RPS6KA2: variants seen among roughly 807,000 people sequenced by gnomAD.
The protein encoded by RPS6KA2 is ribosomal protein S6 kinase A2.
RPS6KA2 carries 42 observed loss-of-function variants against 91.8 expected under a neutral mutation model. The observed-to-expected ratio is 0.46, with a 90% confidence interval of 0.36 to 0.59. The LOEUF (loss-of-function observed/expected upper bound fraction) is 0.59, where lower values mean the gene tolerates loss of function less well. RPS6KA2 is among the 20% of genes least tolerant of loss of function. The pLI is 0.00. For missense variants in RPS6KA2, 798 were observed against 978.5 expected (o/e 0.82, Z 2.46); for synonymous variants, 414 against 393.6 (o/e 1.05, Z -0.61).
At chr6:166,631,304 G>T (rs565067775), upstream of RPS6KA2, among the ~76,000 whole-genome samples, 120 of 152,336 alleles carry the variant, frequency 7.9e-4, 1 homozygote, top group South Asian at 0.014. Context: ...AAACCCACAG[G>T]CCAGTTGTAC....
chr6:166,572,442 C>T lies in RPS6KA2; in HGVS notation c.100-33658G>A, dbSNP rs140752141. On this transcript the variant is annotated intron_variant, in intron 1 of 20. Transcript: ENST00000265678. ...CTGGTGGCCTCTCAGGCTGGCTAAG[C>T]CAAGGGATGTTTACTTTTGTCAATT... is the stretch of plus-strand genomic sequence containing the variant. Among the ~76,000 whole-genome samples, 319 of 152,338 alleles carry T rather than the reference C, an allele frequency of 2.1e-3. 2 individuals carry two copies. Among genetic ancestry groups the T allele is most frequent in the African/African-American group, 7.5e-3 (310 of 41,582 alleles).
rs10637819 is a variant in RPS6KA2 at position 166,723,699 on chromosome 6, C to CTTTTTT, written c.123+134500_123+134501insAAAAAA. Among the ~76,000 whole-genome samples the CTTTTTT allele has an allele frequency of 8.9e-5, 13 of 146,304 alleles. 2 individuals are homozygous for CTTTTTT. Among genetic ancestry groups the CTTTTTT allele is most frequent in the African/African-American group, 3.0e-4 (11 of 37,244 alleles). ...AATTTCCTTTTTCTTTTTTTCTTTT[C>CTTTTTT]TTTTCTTTTTTTTTTTTTTGAGATG... is the stretch of plus-strand genomic sequence containing the variant. On this transcript the variant is annotated intron_variant, in intron 2 of 21. Transcript: ENST00000503859.
intron 1 of RPS6KA2, among the ~76,000 whole-genome samples, chr6:166,564,061 G>A (rs1026110954): frequency 5.3e-5 from 8 of 152,178 alleles, no homozygotes; most frequent in Non-Finnish European, 1.2e-4. Flanking sequence ...AACCTGCTGT[G>A]GATAATAAAC....
chr6:166,793,531 A>AGCC (rs1375242184), intron 2 of RPS6KA2, among the ~76,000 whole-genome samples: 1 of 149,076 alleles, frequency 6.7e-6, no homozygotes, highest in Non-Finnish European at 1.5e-5. Flanking sequence ...ACCAAAAAAG[A>AGCC]GCCCGCATCG....
intron 2 of RPS6KA2, among the ~76,000 whole-genome samples, chr6:166,692,556 C>T (rs1789241584): frequency 6.6e-6 from 1 of 152,026 alleles, no homozygotes; most frequent in Non-Finnish European, 1.5e-5. Flanking sequence ...GTAGAATAAA[C>T]AAGGACAGAA....
At chr6:166,756,683 A>T (rs11961016) in intron 2 of RPS6KA2, among the ~76,000 whole-genome samples, 23,547 of 152,000 alleles carry the variant, frequency 0.15, 2,930 homozygotes, top group African/African-American at 0.35. Flanking sequence ...CCCCATCTCT[A>T]CTAAAATACA....
chr6:166,853,670 C>T (rs1045946405), intron 2 of RPS6KA2, among the ~76,000 whole-genome samples: 10 of 152,254 alleles, frequency 6.6e-5, no homozygotes, highest in Admixed American at 2.0e-4. Flanking sequence ...CTGTGAGGTT[C>T]GTTTGAGTAC....
chr6:166,751,589 G>A (rs1304198245), intron 2 of RPS6KA2, among the ~76,000 whole-genome samples: 1 of 152,254 alleles, frequency 6.6e-6, no homozygotes, highest in Admixed American at 6.5e-5. Flanking sequence ...GAACGGCTGG[G>A]CCGCCACTGG....
Position 166,825,281 on chromosome 6 carries a change from A to T in RPS6KA2, c.123+32919T>A, listed in dbSNP as rs1489060191. Among the ~76,000 whole-genome samples, 1 of 152,230 alleles carries T rather than the reference A, an allele frequency of 6.6e-6. No homozygotes were observed. The highest frequency in any genetic ancestry group is 1.5e-5 in the Non-Finnish European group (1 of 68,046). ...AAAAGGCAGGGCTGATGGTGCCGTG[A>T]CTGCTGGGAATCCAGGGTACCCGTG... On this transcript the variant is annotated intron_variant, in intron 2 of 21. Transcript: ENST00000503859. This position sits in a 1 kb window ranked among gnomAD's most constrained non-coding sequence, Gnocchi z 4.1.
chr6:166,518,212 G>GGGAAGTT (rs1191492885), intron 3 of RPS6KA2, among the ~76,000 whole-genome samples: 4 of 147,278 alleles, frequency 2.7e-5, no homozygotes, highest in Admixed American at 2.0e-4. Context: ...TCTTGAGCCT[G>GGGAAGTT]GGAAGTTGAG....
chr6:166,619,956 C>T (rs1249253034), intron 1 of RPS6KA2, among the ~76,000 whole-genome samples: 5 of 152,208 alleles, frequency 3.3e-5, no homozygotes, highest in South Asian at 4.1e-4. Context: ...TCCCCCCACT[C>T]CTCCTGTTAT....
chr6:166,479,607 G>A (rs761944406), intron 10 of RPS6KA2, among the ~76,000 whole-genome samples: 6 of 152,254 alleles, frequency 3.9e-5, no homozygotes, highest in Admixed American at 6.5e-5. Flanking sequence ...GTGCTAGCAC[G>A]TCACAGAGAA....
At chr6:166,657,083 C>T (rs1038572818) in intron 2 of RPS6KA2, among the ~76,000 whole-genome samples, 1 of 152,108 alleles carries the variant, frequency 6.6e-6, no homozygotes, top group Non-Finnish European at 1.5e-5. Context: ...AACACAGAGA[C>T]GGTGGGGAGC....
chr6:166,553,337 A>G (rs1177196787), intron 1 of RPS6KA2, among the ~76,000 whole-genome samples: 1 of 152,000 alleles, frequency 6.6e-6, no homozygotes, highest in Non-Finnish European at 1.5e-5. Flanking sequence ...TTGCCCAGGC[A>G]GGTCTCAAAC....
intron 2 of RPS6KA2, among the ~76,000 whole-genome samples, chr6:166,838,345 A>T (rs1780373076): frequency 6.6e-6 from 1 of 152,228 alleles, no homozygotes; most frequent in Non-Finnish European, 1.5e-5. Context: ...TGAGAGTGTC[A>T]GCGTGTCAAT....
chr6:166,659,315 A>T (rs1202695134), intron 2 of RPS6KA2, among the ~76,000 whole-genome samples: 1 of 152,136 alleles, frequency 6.6e-6, no homozygotes, highest in African/African-American at 2.4e-5. Context: ...AACTAATTGC[A>T]CTAACAGTCT....
At chr6:166,813,288 C>CAACAA (rs1213988861) in intron 2 of RPS6KA2, among the ~76,000 whole-genome samples, 1 of 152,214 alleles carries the variant, frequency 6.6e-6, no homozygotes, top group Admixed American at 6.5e-5. Flanking sequence ...GAGCCGCCCA[C>CAACAA]TGCTTCTGAC....
At chr6:166,840,546 T>A (rs1328718734) in intron 2 of RPS6KA2, among the ~76,000 whole-genome samples, 1 of 152,180 alleles carries the variant, frequency 6.6e-6, no homozygotes, top group African/African-American at 2.4e-5. Context: ...TCGCCATTTC[T>A]CCAGCAGCAC....
intron 2 of RPS6KA2, among the ~76,000 whole-genome samples, chr6:166,781,150 T>G (rs1382736966): frequency 6.6e-6 from 1 of 152,260 alleles, no homozygotes; most frequent in Non-Finnish European, 1.5e-5. Flanking sequence ...CTTAAATTTA[T>G]GAAGGTCATA....
Sources: gnomAD v4.1 joint callset for allele counts (sites outside exome capture counted in the v4.1 genomes callset) on GRCh38, gnomAD v4.1.1 for gene constraint, Gnocchi (gnomAD v3.1) non-coding constraint, MANE v1.5 for transcripts, NCBI Gene and HGNC (gene_info 2026-07-23, HGNC 2026-07-21) for gene names.